The following COX10 variants were observed in gnomAD, a reference collection of about 807,000 sequenced individuals.
The protein encoded by COX10 is cytochrome c oxidase assembly factor heme A:farnesyltransferase COX10.
A neutral mutation model predicts 37.3 loss-of-function variants in COX10; 27 were observed. The observed-to-expected ratio is 0.72, with a 90% CI of 0.53 to 1.00. The LOEUF is 1.00. Among genes scored for constraint, COX10 ranks in the 50% least tolerant of loss-of-function variants. COX10 has a pLI of 0.00. For synonymous variants in COX10, 222 were observed against 229.1 expected (o/e 0.97, Z 0.28); for missense variants, 475 against 563.2 (o/e 0.84, Z 1.59).
At chr17:14,071,730 CA>C (rs57780115) in intron 1 of COX10, among the ~76,000 whole-genome samples, 5 of 113,230 alleles carry the variant, frequency 4.4e-5, no homozygotes, top group Non-Finnish European at 5.2e-5. Flanking sequence ...CTAAAAATAC[CA>C]AAAAAAAAAA....
rs985440503 is a variant in COX10 at position 14,207,405 on chromosome 17, A to G, written c.*192A>G. Reference sequence around the variant, plus strand: ...ATGCTCCCCAAATAAGAAATGCATCAGCTCAGTCAGTGAATACAAAAAAGG... The same window carrying G: ...ATGCTCCCCAAATAAGAAATGCATCGGCTCAGTCAGTGAATACAAAAAAGG... On this transcript the variant is annotated 3_prime_UTR_variant, in exon 7 of 7. Transcript: ENST00000261643. 3 of 714,334 alleles carry G rather than the reference A, an allele frequency of 4.2e-6. No homozygotes were observed. The highest frequency in any genetic ancestry group is 2.8e-5 in the East Asian group (1 of 36,092). 44.2% of individuals were successfully genotyped at this position (714,334 alleles called of 1,614,324 possible).
chr17:14,192,614 C>T (rs879593477), intron 6 of COX10, among the ~76,000 whole-genome samples: 41 of 152,326 alleles, frequency 2.7e-4, no homozygotes, highest in Non-Finnish European at 2.4e-4. Context: ...GGGGTTTCGT[C>T]TCACGAGCCA....
intron 3 of COX10, among the ~76,000 whole-genome samples, chr17:14,094,194 C>T (rs1027769267): frequency 2.6e-5 from 4 of 152,070 alleles, no homozygotes; most frequent in African/African-American, 9.7e-5. Flanking sequence ...CAATTGCTTG[C>T]TTTGCTTTTT....
At chr17:14,156,263 T>TG (rs1236456968) in intron 4 of COX10, among the ~76,000 whole-genome samples, 2 of 152,158 alleles carry the variant, frequency 1.3e-5, no homozygotes, top group African/African-American at 4.8e-5. Context: ...GTCTTAACTC[T>TG]GGTCCAGGCT....
At chr17:14,099,088 A>G (rs1026454897) in intron 3 of COX10, among the ~76,000 whole-genome samples, 6 of 152,166 alleles carry the variant, frequency 3.9e-5, no homozygotes, top group Non-Finnish European at 5.9e-5. Context: ...TAATCTGCTC[A>G]TCTTCCTGTA....
At chr17:14,095,942 C>CTT (rs1324319950) in intron 3 of COX10, among the ~76,000 whole-genome samples, 1 of 152,128 alleles carries the variant, frequency 6.6e-6, no homozygotes, top group Non-Finnish European at 1.5e-5. Flanking sequence ...TTTTCTTTTG[C>CTT]TTATGGAACT....
chr17:14,115,619 G>A (rs1916094708), intron 4 of COX10, among the ~76,000 whole-genome samples: 1 of 152,100 alleles, frequency 6.6e-6, no homozygotes, highest in Admixed American at 6.6e-5. Context: ...GCAAAGATAT[G>A]CAATCAACCT....
intron 5 of COX10, among the ~76,000 whole-genome samples, chr17:14,175,387 T>C (rs1597537034): frequency 6.6e-6 from 1 of 152,006 alleles, no homozygotes; most frequent in East Asian, 1.9e-4. Flanking sequence ...CTCTGCCTGC[T>C]TCACCTTGCA....
At chr17:14,087,512 C>T (rs1915436509) in intron 3 of COX10, among the ~76,000 whole-genome samples, 2 of 152,176 alleles carry the variant, frequency 1.3e-5, no homozygotes, top group East Asian at 1.9e-4. Context: ...ATCGGTTGAA[C>T]GGATGCAGGG....
At chr17:14,096,118 G>T (rs1219142891) in intron 3 of COX10, among the ~76,000 whole-genome samples, 1 of 152,052 alleles carries the variant, frequency 6.6e-6, no homozygotes, top group Non-Finnish European at 1.5e-5. Flanking sequence ...GCTAGCCCAG[G>T]TCTGTCTTCC....
At chr17:14,143,523 GAACA>G (rs1207645648) in intron 4 of COX10, among the ~76,000 whole-genome samples, 6 of 152,100 alleles carry the variant, frequency 3.9e-5, no homozygotes, top group African/African-American at 1.2e-4. Flanking sequence ...CTCAGAGATG[GAACA>G]AACAGAGTCG....
chr17:14,107,952 G>T (rs1401068317), intron 4 of COX10, among the ~76,000 whole-genome samples: 2 of 152,076 alleles, frequency 1.3e-5, no homozygotes, highest in Admixed American at 1.3e-4. Flanking sequence ...TCTGCTATGT[G>T]GAAAAACTCA....
chr17:14,166,785 C>CTTTTTTTTTTTTTTTTT (rs57127092), intron 5 of COX10, among the ~76,000 whole-genome samples: 6 of 100,258 alleles, frequency 6.0e-5, no homozygotes, highest in East Asian at 3.2e-4. Context: ...CTATTTCTTT[C>CTTTTTTTTTTTTTTTTT]TTTTTTTTTT....
intron 4 of COX10, among the ~76,000 whole-genome samples, chr17:14,130,813 T>C (rs147433688): frequency 0.017 from 2,586 of 152,148 alleles, 22 homozygotes; most frequent in Middle Eastern, 0.044. Flanking sequence ...CCCACCTTTT[T>C]CTTCTCCTTT....
intron 3 of COX10, among the ~76,000 whole-genome samples, chr17:14,091,946 G>C (rs1159558688): frequency 6.6e-6 from 1 of 152,002 alleles, no homozygotes; most frequent in Non-Finnish European, 1.5e-5. Flanking sequence ...CTTCTTAAAA[G>C]TTTCAGTTTT....
At chr17:14,072,985 G>C (rs1040743137) in intron 1 of COX10, among the ~76,000 whole-genome samples, 2 of 152,200 alleles carry the variant, frequency 1.3e-5, no homozygotes, top group South Asian at 4.1e-4. Flanking sequence ...AGTTGACAAA[G>C]ACAGAAAATT....
chr17:14,162,078 T>G (rs1377126344), intron 5 of COX10, among the ~76,000 whole-genome samples: 1 of 152,198 alleles, frequency 6.6e-6, no homozygotes, highest in African/African-American at 2.4e-5. Context: ...TATGATAAGT[T>G]AAGTGTATGA....
rs1914965267 is a variant in COX10 at position 14,069,654 on chromosome 17, G to A, written c.43+6G>A. 6.2e-7 allele frequency: 1 copy of A among 1,613,870 alleles called. No homozygotes were observed. Among genetic ancestry groups the A allele is most frequent in the Admixed American group, 1.7e-5 (1 of 60,004 alleles). Reference sequence around the variant, plus strand: ...CTCCTCACGCCTCCTGACAGGTACTGTACCCGCCTTGGGCACGACCTTGGG... The same window carrying A: ...CTCCTCACGCCTCCTGACAGGTACTATACCCGCCTTGGGCACGACCTTGGG... On this transcript the variant is annotated splice_donor_region_variant and intron_variant, in intron 1 of 6. Transcript: ENST00000261643.
At chr17:14,073,612 G>T (rs1201264830) in intron 1 of COX10, among the ~76,000 whole-genome samples, 1 of 152,136 alleles carries the variant, frequency 6.6e-6, no homozygotes, top group Non-Finnish European at 1.5e-5. Flanking sequence ...ACCTTAAGGT[G>T]GCATACATAG....
Sources: gnomAD v4.1 joint callset for allele counts (sites outside exome capture counted in the v4.1 genomes callset) on GRCh38, gnomAD v4.1.1 for gene constraint, MANE v1.5 for transcripts, NCBI Gene and HGNC (gene_info 2026-07-23, HGNC 2026-07-21) for gene names.